RSPH14: variants seen among roughly 807,000 people sequenced by gnomAD.
RSPH14 encodes the protein rhabdoid tumor deletion region gene 1.
Under a neutral mutation model 26.7 loss-of-function variants are expected in RSPH14, and 20 were observed. The observed-to-expected ratio is 0.75, with a 90% CI of 0.53 to 1.09. The LOEUF (loss-of-function observed/expected upper bound fraction) is 1.09. Ranked by LOEUF, RSPH14 falls within the 50% of genes least tolerant of loss-of-function variation. The pLI is 0.00. For synonymous variants in RSPH14, 177 were observed against 189.3 expected (o/e 0.93, Z 0.53); for missense variants, 449 against 457.2 (o/e 0.98, Z 0.16).
chr22:23,153,003 C>A, the RSPH14 span: 8 of 1,501,444 alleles, frequency 5.3e-6, no homozygotes, highest in South Asian at 1.1e-5. Flanking sequence ...TGTGAGTACA[C>A]CCCTGTGACG....
At chr22:23,062,048 G>A in intron 5 of RSPH14, 103 bp from the exon 6 acceptor site, 3 of 1,336,706 alleles carry the variant, frequency 2.2e-6, no homozygotes, top group Non-Finnish European at 3.1e-6. Context: ...TTGTGTGGGG[G>A]CTACCCCAGG....
At chr22:23,060,908 C>A (rs1156360187) in intron 6 of RSPH14, among the ~76,000 whole-genome samples, 1 of 152,172 alleles carries the variant, frequency 6.6e-6, no homozygotes, top group Admixed American at 6.5e-5. Flanking sequence ...GCCCTCCAAG[C>A]ACTCCTACAG....
intron 4 of RSPH14, among the ~76,000 whole-genome samples, chr22:23,070,146 T>C (rs890575388): frequency 1.3e-5 from 2 of 151,698 alleles, no homozygotes; most frequent in African/African-American, 4.8e-5. Flanking sequence ...CCCCTGTCCG[T>C]CCCCATTGGG....
At chr22:23,127,417 C>A (rs576058623) in intron 4 of RSPH14, among the ~76,000 whole-genome samples, 1 of 152,362 alleles carries the variant, frequency 6.6e-6, no homozygotes, top group African/African-American at 2.4e-5. Context: ...GCCTGGGGTT[C>A]TGGTGCACCC....
the RSPH14 span, chr22:23,161,791 A>G: frequency 1.8e-6 from 1 of 547,194 alleles, no homozygotes; most frequent in East Asian, 3.2e-5. Flanking sequence ...TGGGAGCCCC[A>G]CACCACCGGG....
chr22:23,175,444 A>G, the RSPH14 span, among the ~76,000 whole-genome samples: 4 of 152,120 alleles, frequency 2.6e-5, no homozygotes, highest in South Asian at 6.2e-4. Context: ...ACTGGATCCA[A>G]GCAATTCTCC....
upstream of RSPH14, chr22:23,142,055 G>A (rs116401177): frequency 9.4e-4 from 929 of 985,302 alleles, 7 homozygotes; most frequent in African/African-American, 0.015. Context: ...CCGCGGCGCC[G>A]CGGTCGACAT....
the RSPH14 span, among the ~76,000 whole-genome samples, chr22:23,164,878 G>C: frequency 6.6e-6 from 1 of 151,876 alleles, no homozygotes; most frequent in Non-Finnish European, 1.5e-5. Context: ...TCTGGCTTTC[G>C]AGGCTCCTCA....
At position 23,086,454 on chromosome 22, in the gene RSPH14, C is replaced by T. The variant is rs191890360; in HGVS notation, c.422-22321G>A. Among the ~76,000 whole-genome samples the T allele has an allele frequency of 1.8e-3, 269 of 152,356 alleles. 1 individual carries two copies. The highest frequency in any genetic ancestry group is 5.5e-3 in the African/African-American group (228 of 41,580). On this transcript the variant is annotated intron_variant, in intron 4 of 6. Transcript: ENST00000216036. ...GGCACGGAGGTGCAGCTGTCCCCTG[C>T]GTGTCTCCAGCCACGGGCCTCTGGA...
intron 4 of RSPH14, among the ~76,000 whole-genome samples, chr22:23,115,397 C>A (rs1260673224): frequency 6.6e-6 from 1 of 152,170 alleles, no homozygotes; most frequent in African/African-American, 2.4e-5. Flanking sequence ...CCCACCATCT[C>A]TGGGGTGTGT....
At chr22:23,103,154 C>G (rs894063054) in intron 4 of RSPH14, among the ~76,000 whole-genome samples, 6 of 152,290 alleles carry the variant, frequency 3.9e-5, no homozygotes, top group African/African-American at 1.4e-4. Context: ...CATACTGGCT[C>G]ACAAGAGCTA....
the RSPH14 span, among the ~76,000 whole-genome samples, chr22:23,160,717 G>A: frequency 6.6e-6 from 1 of 152,176 alleles, no homozygotes; most frequent in African/African-American, 2.4e-5. Flanking sequence ...GCCTGTGTGA[G>A]TGGGTGGGGC....
chr22:23,080,002 G>A (rs986491567), intron 4 of RSPH14, among the ~76,000 whole-genome samples: 2 of 152,176 alleles, frequency 1.3e-5, no homozygotes, highest in Admixed American at 6.5e-5. Flanking sequence ...TCAAGTGAGG[G>A]TTTGATGGAG....
At chr22:23,107,687 G>T (rs1000826926) in intron 4 of RSPH14, among the ~76,000 whole-genome samples, 12 of 152,150 alleles carry the variant, frequency 7.9e-5, no homozygotes, top group African/African-American at 2.9e-4. Context: ...GCGCAGCAGT[G>T]GAGTCGGGTC....
the RSPH14 span, among the ~76,000 whole-genome samples, chr22:23,158,242 C>T: frequency 6.6e-6 from 1 of 152,210 alleles, no homozygotes; most frequent in Admixed American, 6.5e-5. Context: ...TCTGGAGGAG[C>T]CAGCACATGA....
the RSPH14 span, among the ~76,000 whole-genome samples, chr22:23,155,485 A>T: frequency 6.6e-6 from 1 of 152,102 alleles, no homozygotes; most frequent in Admixed American, 6.5e-5. Context: ...GGTATCTCCA[A>T]CTCCTACTTT....
chr22:23,180,089 C>T, the RSPH14 span: 1 of 322,862 alleles, frequency 3.1e-6, no homozygotes. Context: ...AGGACTGCTG[C>T]GAGTTCTGCC....
At chr22:23,132,943 G>A (rs2070388761) in intron 4 of RSPH14, 1 of 152,146 alleles carries the variant, frequency 6.6e-6, no homozygotes. Flanking sequence ...GGGCACTACA[G>A]CCTAGAACTC....
the RSPH14 span, among the ~76,000 whole-genome samples, chr22:23,151,405 G>C: frequency 4.6e-5 from 7 of 152,300 alleles, 1 homozygote; most frequent in Admixed American, 4.6e-4. Context: ...TCTGGGAGCA[G>C]GGTAGACACA....
Sources: gnomAD v4.1 joint callset for allele counts (sites outside exome capture counted in the v4.1 genomes callset) on GRCh38, gnomAD v4.1.1 for gene constraint, MANE v1.5 for transcripts, NCBI Gene and HGNC (gene_info 2026-07-23, HGNC 2026-07-21) for gene names.